Variants in GRIP1 observed in about 807,000 individuals in gnomAD.
The protein encoded by GRIP1 is glutamate receptor interacting protein 1.
A neutral mutation model predicts 129.9 loss-of-function variants in GRIP1; 45 were observed. That is an observed-to-expected ratio of 0.35 (90% CI 0.27 to 0.44). The LOEUF (loss-of-function observed/expected upper bound fraction) is 0.44. Ranked by LOEUF, GRIP1 falls within the 20% of genes least tolerant of loss-of-function variation. GRIP1 has a pLI of 1.00. For synonymous variants in GRIP1, 530 were observed against 520.8 expected (o/e 1.02, Z -0.24); for missense variants, 1,196 against 1,396.8 (o/e 0.86, Z 2.29).
At chr12:66,377,825 G>C (rs1592723532) in intron 20 of GRIP1, among the ~76,000 whole-genome samples, 2 of 152,014 alleles carry the variant, frequency 1.3e-5, no homozygotes, top group Admixed American at 1.3e-4. Context: ...CTTACTACCG[G>C]ATTTCAGACT....
intron 1 of GRIP1, among the ~76,000 whole-genome samples, chr12:66,939,301 C>A (rs2041544851): frequency 6.6e-6 from 1 of 151,998 alleles, no homozygotes; most frequent in Admixed American, 6.6e-5. Context: ...GAGCTACGAT[C>A]ACATCACAGC....
chr12:66,855,505 T>A (rs928348617), intron 1 of GRIP1, among the ~76,000 whole-genome samples: 2 of 152,036 alleles, frequency 1.3e-5, no homozygotes, highest in African/African-American at 2.4e-5. Context: ...TTGATTCATA[T>A]CACTTAATCC....
At chr12:66,916,058 C>T (rs919436588) in intron 1 of GRIP1, among the ~76,000 whole-genome samples, 3 of 152,168 alleles carry the variant, frequency 2.0e-5, no homozygotes, top group Admixed American at 1.3e-4. Context: ...TGTGCATGCA[C>T]GCATGTGTGG....
At chr12:66,418,504 C>T (rs1032178715) in intron 15 of GRIP1, among the ~76,000 whole-genome samples, 1 of 152,008 alleles carries the variant, frequency 6.6e-6, no homozygotes, top group Non-Finnish European at 1.5e-5. Context: ...GAAGAGACAA[C>T]TCACATAATA....
rs572856334 is a variant in GRIP1, at chr12:66,434,509, A to G, written c.1688-1881T>C. On this transcript the variant is annotated intron_variant, in intron 13 of 24. Transcript: ENST00000359742. The stretch of plus-strand genomic sequence containing the variant: ...TCAATTTCTCAGTAGGACTTGAGAT[A>G]GAGCAAATTATTTCCCACAGGAGAT... Among the ~76,000 whole-genome samples the G allele has an allele frequency of 7.2e-5, 11 of 152,352 alleles. No individual in the cohort carries two copies. In the East Asian group the frequency reaches 2.1e-3, roughly 29 times the overall value.
At chr12:66,956,892 A>C (rs1263804551) in intron 1 of GRIP1, among the ~76,000 whole-genome samples, 1 of 152,180 alleles carries the variant, frequency 6.6e-6, no homozygotes, top group Non-Finnish European at 1.5e-5. Context: ...CTACCTGTAT[A>C]TATGTATTAA....
chr12:66,458,505 C>T (rs1447387074), intron 9 of GRIP1, among the ~76,000 whole-genome samples: 1 of 152,216 alleles, frequency 6.6e-6, no homozygotes, highest in East Asian at 1.9e-4. Flanking sequence ...TCACCTCACC[C>T]TACCCAGTAG....
At chr12:66,934,097 A>G (rs562676513) in intron 1 of GRIP1, among the ~76,000 whole-genome samples, 4 of 152,140 alleles carry the variant, frequency 2.6e-5, no homozygotes, top group Non-Finnish European at 2.9e-5. Context: ...CTCCTTTTTG[A>G]AAAGACCTCC....
chr12:66,422,194 C>T (rs1392465683), intron 14 of GRIP1, among the ~76,000 whole-genome samples: 5 of 152,172 alleles, frequency 3.3e-5, no homozygotes. Context: ...AATATCTTAA[C>T]ACAACATTTA....
chr12:66,851,237 C>T (rs1418266673), intron 1 of GRIP1, among the ~76,000 whole-genome samples: 8 of 151,774 alleles, frequency 5.3e-5, no homozygotes, highest in African/African-American at 7.3e-5. Context: ...ATCTGAAAGA[C>T]GGCATCCTTT....
chr12:66,814,977 C>T (rs1057350460), intron 1 of GRIP1, among the ~76,000 whole-genome samples: 2 of 152,156 alleles, frequency 1.3e-5, no homozygotes, highest in African/African-American at 4.8e-5. Context: ...GATCCAATTA[C>T]CTCCACCTGG....
At chr12:66,546,337 T>C (rs1278634309) in intron 2 of GRIP1, among the ~76,000 whole-genome samples, 1 of 151,800 alleles carries the variant, frequency 6.6e-6, no homozygotes, top group Non-Finnish European at 1.5e-5. Context: ...TTTTTTTTTT[T>C]TAAATAGCTG....
intron 1 of GRIP1, among the ~76,000 whole-genome samples, chr12:66,930,078 T>C (rs2041365173): frequency 6.7e-6 from 1 of 149,308 alleles, no homozygotes; most frequent in African/African-American, 2.5e-5. Context: ...TTTACGTCAA[T>C]GCATACTTTC....
intron 1 of GRIP1, among the ~76,000 whole-genome samples, chr12:66,934,252 T>C (rs879457160): frequency 3.3e-5 from 5 of 152,216 alleles, no homozygotes; most frequent in Non-Finnish European, 5.9e-5. Flanking sequence ...GCTCATGTCT[T>C]ACTGACTGCC....
At chr12:66,773,724 A>T (rs1592832096) in intron 1 of GRIP1, among the ~76,000 whole-genome samples, 1 of 152,174 alleles carries the variant, frequency 6.6e-6, no homozygotes. Flanking sequence ...ACAAAAAGAA[A>T]ATAAAAGAAC....
At chr12:66,850,920 C>T (rs1396574631) in intron 1 of GRIP1, among the ~76,000 whole-genome samples, 1 of 149,088 alleles carries the variant, frequency 6.7e-6, no homozygotes, top group Admixed American at 6.8e-5. Flanking sequence ...CGTTTAACAT[C>T]TCTGAGCCTG....
intron 5 of GRIP1, among the ~76,000 whole-genome samples, chr12:66,524,424 G>A (rs374735463): frequency 0.093 from 14,207 of 152,158 alleles, 821 homozygotes; most frequent in Non-Finnish European, 0.13. Context: ...GCTCCTGAAT[G>A]ACTACTGGGT....
At chr12:66,865,497 A>T (rs959001238) in intron 1 of GRIP1, among the ~76,000 whole-genome samples, 2 of 151,692 alleles carry the variant, frequency 1.3e-5, no homozygotes, top group East Asian at 3.9e-4. Flanking sequence ...ATGGATAGAA[A>T]TATGTTATTT....
chr12:66,588,081 C>T (rs1310551661), intron 2 of GRIP1, among the ~76,000 whole-genome samples: 1 of 151,352 alleles, frequency 6.6e-6, no homozygotes, highest in African/African-American at 2.4e-5. Context: ...TGACTCGTTT[C>T]ATTTTCTCGG....
Sources: allele counts gnomAD v4.1 joint callset (sites outside exome capture counted in the v4.1 genomes callset), GRCh38; gene constraint gnomAD v4.1.1; transcripts MANE v1.5; gene names NCBI Gene and HGNC (gene_info 2026-07-23, HGNC 2026-07-21).